MLLT3: variants seen among roughly 807,000 people sequenced by gnomAD.
MLLT3 encodes protein AF-9.
In MLLT3, 4 loss-of-function variants were observed where a neutral mutation model predicts 53.2. The ratio of observed to expected loss-of-function variants is 0.08; its 90% CI spans 0.04 to 0.17. MLLT3 has a LOEUF of 0.17. Ranked by LOEUF, MLLT3 falls within the 10% of genes least tolerant of loss-of-function variation. The pLI is 1.00. For synonymous variants in MLLT3, 283 were observed against 230.6 expected (o/e 1.23, Z -2.06); for missense variants, 569 against 684.0 (o/e 0.83, Z 1.87).
chr9:20,495,459 T>C (rs1825059604), intron 2 of MLLT3, among the ~76,000 whole-genome samples: 1 of 152,194 alleles, frequency 6.6e-6, no homozygotes, highest in African/African-American at 2.4e-5. Context: ...TTCTAAGTTG[T>C]AGAAAGCTGC....
At chr9:20,559,983 T>C (rs1455906201) in intron 2 of MLLT3, among the ~76,000 whole-genome samples, 2 of 152,184 alleles carry the variant, frequency 1.3e-5, no homozygotes, top group Non-Finnish European at 2.9e-5. Context: ...TGCCACTGGT[T>C]TCTTCAGATA....
chr9:20,358,990 C>T (rs1268292774), intron 8 of MLLT3, among the ~76,000 whole-genome samples: 1 of 151,596 alleles, frequency 6.6e-6, no homozygotes, highest in Non-Finnish European at 1.5e-5. Flanking sequence ...ACTAAAAATA[C>T]AAAAATTAGC....
chr9:20,604,372 T>C lies in MLLT3; in HGVS notation c.193+16282A>G, dbSNP rs1228912650. Among the ~76,000 whole-genome samples, 4 of 151,896 alleles carry C rather than the reference T, an allele frequency of 2.6e-5. No individual in the cohort carries two copies. In the South Asian group the frequency reaches 6.2e-4, roughly 24 times the overall value. On this transcript the variant is annotated intron_variant, in intron 2 of 10. Coordinates refer to ENST00000380338, the MANE Select transcript of MLLT3 (RefSeq NM_004529.4). ...ATCAAGGATTATAAGTCAAACTCAATTTTCACAGTTTTCTAAAAGTCTTCA... is the reference window on the plus strand; with the variant it reads ...ATCAAGGATTATAAGTCAAACTCAACTTTCACAGTTTTCTAAAAGTCTTCA...
chr9:20,422,279 G>A (rs577619815), intron 4 of MLLT3, among the ~76,000 whole-genome samples: 21 of 152,242 alleles, frequency 1.4e-4, no homozygotes, highest in African/African-American at 4.3e-4. Context: ...TACTTGTTTC[G>A]ACTTTTGAAT....
chr9:20,589,108 T>C (rs1218710965), intron 2 of MLLT3, among the ~76,000 whole-genome samples: 1 of 149,746 alleles, frequency 6.7e-6, no homozygotes, highest in Non-Finnish European at 1.5e-5. Context: ...GGACTATAAA[T>C]CATGCTGCTA....
chr9:20,595,332 C>T (rs1820233282), intron 2 of MLLT3, among the ~76,000 whole-genome samples: 1 of 152,134 alleles, frequency 6.6e-6, no homozygotes, highest in East Asian at 1.9e-4. Flanking sequence ...ATACATACCA[C>T]TGCACTCCAG....
intron 2 of MLLT3, among the ~76,000 whole-genome samples, chr9:20,476,654 G>C (rs1381194779): frequency 6.6e-6 from 1 of 152,054 alleles, no homozygotes; most frequent in East Asian, 1.9e-4. Flanking sequence ...AGATTCCTTG[G>C]AAATGCCAAT....
intron 2 of MLLT3, among the ~76,000 whole-genome samples, chr9:20,571,825 A>G (rs1299926923): frequency 2.6e-5 from 4 of 152,264 alleles, no homozygotes; most frequent in Non-Finnish European, 4.4e-5. Flanking sequence ...CCACAATAAG[A>G]TATCATTTCA....
At chr9:20,523,330 C>T (rs1818116126) in intron 2 of MLLT3, among the ~76,000 whole-genome samples, 1 of 152,200 alleles carries the variant, frequency 6.6e-6, no homozygotes, top group South Asian at 2.1e-4. Flanking sequence ...TAAAACTAAA[C>T]ATACTCTTAC....
chr9:20,476,115 T>A (rs760511220), intron 2 of MLLT3, among the ~76,000 whole-genome samples: 27 of 151,888 alleles, frequency 1.8e-4, no homozygotes, highest in Non-Finnish European at 3.8e-4. Context: ...CAGGCTGGAG[T>A]GCAGTCACGC....
chr9:20,515,874 G>A (rs892664083), intron 2 of MLLT3, among the ~76,000 whole-genome samples: 1 of 152,118 alleles, frequency 6.6e-6, no homozygotes, highest in Non-Finnish European at 1.5e-5. Flanking sequence ...AAGACTCTGC[G>A]GCTGGGGAGT....
At chr9:20,475,975 A>G (rs936144445) in intron 2 of MLLT3, among the ~76,000 whole-genome samples, 24 of 152,260 alleles carry the variant, frequency 1.6e-4, no homozygotes, top group African/African-American at 5.8e-4. Flanking sequence ...TGATAATGCT[A>G]CCTAAAAGTT....
intron 2 of MLLT3, among the ~76,000 whole-genome samples, chr9:20,607,362 T>C (rs1820596423): frequency 6.6e-6 from 1 of 152,164 alleles, no homozygotes; most frequent in Admixed American, 6.6e-5. Flanking sequence ...AGAGTATATT[T>C]TCCTCATTCT....
At chr9:20,483,680 AAC>A (rs1486561015) in intron 2 of MLLT3, among the ~76,000 whole-genome samples, 3 of 150,702 alleles carry the variant, frequency 2.0e-5, no homozygotes, top group Admixed American at 6.6e-5. Context: ...CTAACGAGAT[AAC>A]ACAGTCAGTA....
chr9:20,482,441 T>C (rs1313174795), intron 2 of MLLT3, among the ~76,000 whole-genome samples: 1 of 152,340 alleles, frequency 6.6e-6, no homozygotes, highest in South Asian at 2.1e-4. Flanking sequence ...ACAAAATCAA[T>C]TTCCCCTTCT....
chr9:20,401,987 G>A (rs1822467456), intron 5 of MLLT3, among the ~76,000 whole-genome samples: 1 of 152,134 alleles, frequency 6.6e-6, no homozygotes, highest in Admixed American at 6.6e-5. Flanking sequence ...TGAAGAAGAT[G>A]TAAAAAATAT....
intron 2 of MLLT3, among the ~76,000 whole-genome samples, chr9:20,479,898 A>G (rs1406500411): frequency 6.6e-6 from 1 of 152,206 alleles, no homozygotes; most frequent in Non-Finnish European, 1.5e-5. Context: ...GGTATATGTG[A>G]TACAACAGCT....
intron 2 of MLLT3, among the ~76,000 whole-genome samples, chr9:20,575,546 C>A (rs1166387237): frequency 6.6e-6 from 1 of 152,018 alleles, no homozygotes; most frequent in African/African-American, 2.4e-5. Flanking sequence ...ACTCCCTGAC[C>A]CACAGACTGC....
intron 2 of MLLT3, among the ~76,000 whole-genome samples, chr9:20,569,943 C>T (rs1191961097): frequency 6.6e-6 from 1 of 152,140 alleles, no homozygotes; most frequent in Non-Finnish European, 1.5e-5. Context: ...AAAAATGAAC[C>T]GTTGGCTCCT....
Sources: allele counts gnomAD v4.1 joint callset (sites outside exome capture counted in the v4.1 genomes callset), GRCh38; gene constraint gnomAD v4.1.1; transcripts MANE v1.5; gene names NCBI Gene and HGNC (gene_info 2026-07-23, HGNC 2026-07-21).